The following TMEM51 variants were observed in gnomAD, a reference collection of about 807,000 sequenced individuals.
The protein encoded by TMEM51 is transmembrane protein 51.
In TMEM51, 8 loss-of-function variants were observed where a neutral mutation model predicts 13.6. The observed-to-expected ratio is 0.59, with a 90% CI of 0.35 to 1.07. The LOEUF (loss-of-function observed/expected upper bound fraction) is 1.07. TMEM51 is among the 50% of genes least tolerant of loss of function. The pLI is 0.02. For missense variants in TMEM51, 279 were observed against 330.7 expected (o/e 0.84, Z 1.21); for synonymous variants, 147 against 144.4 (o/e 1.02, Z -0.13).
chr1:15,213,140 G>A (rs1055245704), intron 2 of TMEM51, among the ~76,000 whole-genome samples: 2 of 152,148 alleles, frequency 1.3e-5, no homozygotes, highest in African/African-American at 4.8e-5. Flanking sequence ...TTTTCCTGCT[G>A]GCCTAGAAGC....
At chr1:15,173,253 T>C (rs1185426794) in intron 1 of TMEM51, among the ~76,000 whole-genome samples, 1 of 149,334 alleles carries the variant, frequency 6.7e-6, no homozygotes, top group Non-Finnish European at 1.5e-5. Context: ...GGAGTTTCGC[T>C]CTTTTGCCTA....
At chr1:15,177,575 A>AG (rs1366464827) in intron 1 of TMEM51, among the ~76,000 whole-genome samples, 8 of 151,786 alleles carry the variant, frequency 5.3e-5, no homozygotes, top group South Asian at 2.1e-4. Flanking sequence ...CACAGACTGA[A>AG]GGGGGGGGCC....
intron 1 of TMEM51, among the ~76,000 whole-genome samples, chr1:15,181,919 G>T (rs1019889225): frequency 6.6e-6 from 1 of 152,112 alleles, no homozygotes; most frequent in Non-Finnish European, 1.5e-5. Context: ...CCAGCACTTT[G>T]GGAGGCCAAA....
chr1:15,206,551 C>T (rs754114543), intron 1 of TMEM51, among the ~76,000 whole-genome samples: 3 of 152,102 alleles, frequency 2.0e-5, no homozygotes, highest in Non-Finnish European at 4.4e-5. Flanking sequence ...TGCCACTTAC[C>T]GGCTGTGTGG....
At chr1:15,169,498 C>T (rs1264148789) in intron 1 of TMEM51, among the ~76,000 whole-genome samples, 1 of 152,132 alleles carries the variant, frequency 6.6e-6, no homozygotes, top group Non-Finnish European at 1.5e-5. Context: ...GACTATGTTG[C>T]CTGGTGCTTG....
intron 1 of TMEM51, among the ~76,000 whole-genome samples, chr1:15,186,629 A>G (rs1435442112): frequency 6.6e-6 from 1 of 152,148 alleles, no homozygotes; most frequent in Non-Finnish European, 1.5e-5. Context: ...ATTAAATGAA[A>G]TTGTGCATGG....
intron 1 of TMEM51, among the ~76,000 whole-genome samples, chr1:15,188,092 G>A (rs767552752): frequency 1.3e-5 from 2 of 152,126 alleles, no homozygotes; most frequent in Admixed American, 6.5e-5. Flanking sequence ...CTCATACAAC[G>A]GAAACATTGC....
intron 1 of TMEM51, among the ~76,000 whole-genome samples, chr1:15,181,263 T>C (rs139033086): frequency 1.8e-4 from 27 of 152,326 alleles, no homozygotes; most frequent in Admixed American, 4.6e-4. Context: ...CTTTTGTACT[T>C]GTCTGCTGAT....
intron 1 of TMEM51, among the ~76,000 whole-genome samples, chr1:15,160,077 C>G (rs1642723851): frequency 6.6e-6 from 1 of 152,170 alleles, no homozygotes; most frequent in South Asian, 2.1e-4. Context: ...TTAGGTGGCT[C>G]TAAATCTTGG....
intron 1 of TMEM51, among the ~76,000 whole-genome samples, chr1:15,165,234 T>A (rs1228753496): frequency 6.6e-6 from 1 of 152,120 alleles, no homozygotes; most frequent in East Asian, 1.9e-4. Context: ...GAGGATTACA[T>A]GAGCCCAGGA....
chr1:15,171,062 G>C (rs1037611090), intron 1 of TMEM51: 1 of 854,532 alleles, frequency 1.2e-6, no homozygotes, highest in Non-Finnish European at 1.6e-6. Context: ...CTGGGGTGGG[G>C]GGCTTGTTAA....
chr1:15,189,014 A>G (rs1057187474), intron 1 of TMEM51, among the ~76,000 whole-genome samples: 1 of 152,120 alleles, frequency 6.6e-6, no homozygotes, highest in African/African-American at 2.4e-5. Flanking sequence ...CATAGAGGGC[A>G]CTCAGGAAAT....
intron 1 of TMEM51, among the ~76,000 whole-genome samples, chr1:15,173,676 T>TAAAAA (rs55954313): frequency 1.4e-5 from 2 of 145,286 alleles, no homozygotes; most frequent in Non-Finnish European, 3.0e-5. Flanking sequence ...AAACTCCATC[T>TAAAAA]AAAAAAAAAA....
chr1:15,181,174 A>G (rs1012698761), intron 1 of TMEM51, among the ~76,000 whole-genome samples: 7 of 152,244 alleles, frequency 4.6e-5, no homozygotes, highest in African/African-American at 1.7e-4. Flanking sequence ...TGCTAATACC[A>G]GCCTTAACAA....
At position 15,219,291 on chromosome 1, in the gene TMEM51, G is replaced by A. The variant is rs1644475027; in HGVS notation, c.345-35G>A. ...GGGATTTTGAATGACTTGAGCACAG[G>A]CTAACACTCTCCCTGTCTGTGTGTC... On this transcript the variant is annotated intron_variant, in intron 3 of 3. Transcript: ENST00000376008. The A allele has an allele frequency of 1.9e-6, 3 of 1,547,452 alleles. No homozygotes were observed. In the East Asian group the frequency reaches 6.8e-5, roughly 35 times the overall value.
chr1:15,172,565 C>T (rs1427547128), intron 1 of TMEM51, among the ~76,000 whole-genome samples: 3 of 152,034 alleles, frequency 2.0e-5, no homozygotes, highest in Non-Finnish European at 1.5e-5. Context: ...TAGACAGCCA[C>T]GGGTTAGAAT....
intron 1 of TMEM51, among the ~76,000 whole-genome samples, chr1:15,187,564 C>T (rs1414782195): frequency 6.6e-6 from 1 of 152,202 alleles, no homozygotes; most frequent in Non-Finnish European, 1.5e-5. Context: ...CCTTTCTTTT[C>T]TCCTGTATCT....
At chr1:15,211,026 A>T (rs1644330986) in intron 2 of TMEM51, among the ~76,000 whole-genome samples, 1 of 152,130 alleles carries the variant, frequency 6.6e-6, no homozygotes, top group African/African-American at 2.4e-5. Flanking sequence ...AAAAACCAAA[A>T]CTATTTTATG....
intron 1 of TMEM51, among the ~76,000 whole-genome samples, chr1:15,193,776 C>T (rs1892201): frequency 0.44 from 66,929 of 151,888 alleles, 15,770 homozygotes; most frequent in East Asian, 0.9. Context: ...AGGCTGGTCT[C>T]GAACTCCTGA....
Sources: allele counts gnomAD v4.1 joint callset (sites outside exome capture counted in the v4.1 genomes callset), GRCh38; gene constraint gnomAD v4.1.1; transcripts MANE v1.5; gene names NCBI Gene and HGNC (gene_info 2026-07-23, HGNC 2026-07-21).